Variants in TMEM181 observed in about 807,000 individuals in gnomAD.
The protein encoded by TMEM181 is G protein-coupled receptor 178.
A neutral mutation model predicts 71.9 loss-of-function variants in TMEM181; 39 were observed. That is an observed-to-expected ratio of 0.54 (90% CI 0.42 to 0.71). The LOEUF is 0.71. Among genes scored for constraint, TMEM181 ranks in the 30% least tolerant of loss-of-function variants. TMEM181 has a pLI of 0.00. For missense variants in TMEM181, 595 were observed against 583.0 expected (o/e 1.02, Z -0.21); for synonymous variants, 245 against 228.8 (o/e 1.07, Z -0.64).
At chr6:158,591,229 T>A (rs1306006184) in intron 6 of TMEM181, among the ~76,000 whole-genome samples, 3 of 152,172 alleles carry the variant, frequency 2.0e-5, no homozygotes, top group East Asian at 3.9e-4. Context: ...ATTGTTCTTT[T>A]CTTTCACGTT....
chr6:158,598,786 G>C (rs1784518797), intron 6 of TMEM181, among the ~76,000 whole-genome samples: 2 of 151,840 alleles, frequency 1.3e-5, no homozygotes, highest in Admixed American at 1.3e-4. Flanking sequence ...CCATTCTCCT[G>C]CCTCAGCTTC....
At chr6:158,582,866 G>T (rs964222187) in intron 3 of TMEM181, among the ~76,000 whole-genome samples, 4 of 152,114 alleles carry the variant, frequency 2.6e-5, no homozygotes, top group Admixed American at 1.3e-4. Context: ...CTCCCCAGGG[G>T]TGTTAAGATT....
At chr6:158,630,597 T>G (rs1189038765) in intron 15 of TMEM181, among the ~76,000 whole-genome samples, 1 of 152,120 alleles carries the variant, frequency 6.6e-6, no homozygotes, top group Non-Finnish European at 1.5e-5. Context: ...CAATGTTCGG[T>G]GCCTTAGCTG....
upstream of TMEM181, among the ~76,000 whole-genome samples, chr6:158,556,238 G>A (rs376198266): frequency 6.6e-6 from 1 of 152,174 alleles, no homozygotes; most frequent in Non-Finnish European, 1.5e-5. Flanking sequence ...CCTGAGAGAA[G>A]AGTCGCCTTG....
At chr6:158,546,187 C>T (rs1781521705) in intron 1 of TMEM181, among the ~76,000 whole-genome samples, 1 of 152,174 alleles carries the variant, frequency 6.6e-6, no homozygotes, top group Admixed American at 6.5e-5. Flanking sequence ...CTGGGAGCTC[C>T]AGAACCCGTG....
chr6:158,585,559 C>T, intron 5 of TMEM181, 134 bp downstream of exon 5: 1 of 1,170,506 alleles, frequency 8.5e-7, no homozygotes, highest in Non-Finnish European at 1.1e-6. Context: ...AAAATGGAGT[C>T]ATACCAAAGA....
At chr6:158,556,186 G>A (rs1041319953), upstream of TMEM181, among the ~76,000 whole-genome samples, 1 of 152,114 alleles carries the variant, frequency 6.6e-6, no homozygotes, top group African/African-American at 2.4e-5. Flanking sequence ...AACGAATCCA[G>A]AATAATATGA....
rs184978282 is a variant in TMEM181, at chr6:158,625,765, C to G, written c.1109+11C>G. 2.5e-6 allele frequency: 4 copies of G among 1,606,384 alleles called. No individual in the cohort carries two copies. Among genetic ancestry groups the G allele is most frequent in the African/African-American group, 1.3e-5 (1 of 74,426 alleles). On this transcript the variant is annotated intron_variant, in intron 13 of 16. Transcript: ENST00000684151. ...AGTACTTGTCATTAGGTAAGAAGAC[C>G]TTATTTCTTGAAAACAGCAAAACGG...
chr6:158,551,238 G>A (rs571937972), intron 1 of TMEM181, among the ~76,000 whole-genome samples: 32 of 152,234 alleles, frequency 2.1e-4, no homozygotes, highest in Non-Finnish European at 4.4e-4. Context: ...GGGATTACAG[G>A]TGTGAACCAC....
rs561393891 is a variant in TMEM181 at position 158,620,640 on chromosome 6, C to T, written c.897-2910C>T. Reference sequence around the variant, plus strand: ...TGGGGAGTAGCCCCCGCCCGAGCCTCGCAGTCCCCTTCAGATTAGTTGTCC... The same window carrying T: ...TGGGGAGTAGCCCCCGCCCGAGCCTTGCAGTCCCCTTCAGATTAGTTGTCC... On this transcript the variant is annotated intron_variant, in intron 10 of 16. Transcript: ENST00000684151. The surrounding 1 kb of genome is among the most constrained non-coding windows in gnomAD (Gnocchi z 4.5). 7.2e-5 allele frequency among the ~76,000 whole-genome samples: 11 copies of T among 152,048 alleles called. No individual in the cohort carries two copies. The highest frequency in any genetic ancestry group is 4.2e-4 in the South Asian group (2 of 4,810).
chr6:158,608,466 G>T lies in TMEM181; in HGVS notation c.804+3G>T, dbSNP rs756886613. The T allele has an allele frequency of 5.6e-6, 9 of 1,614,178 alleles. No individual in the cohort carries two copies. Among genetic ancestry groups the T allele is most frequent in the Non-Finnish European group, 7.6e-6 (9 of 1,180,030 alleles). On this transcript the variant is annotated splice_donor_region_variant and intron_variant, in intron 9 of 16. Transcript: ENST00000684151. ...TGTACCACGGGATTCGTGTCCAGGT[G>T]AGCCGGAGCCGCCCTCACTGCCGGG...
chr6:158,619,428 A>G (rs985449025), intron 10 of TMEM181, among the ~76,000 whole-genome samples: 1 of 152,130 alleles, frequency 6.6e-6, no homozygotes, highest in Non-Finnish European at 1.5e-5. Flanking sequence ...CTTCTTGGCG[A>G]TGGGTTCGAA....
At chr6:158,565,997 C>T (rs1782469907) in intron 1 of TMEM181, among the ~76,000 whole-genome samples, 1 of 152,144 alleles carries the variant, frequency 6.6e-6, no homozygotes, top group Non-Finnish European at 1.5e-5. Flanking sequence ...TTGTATGTTG[C>T]GTTTCCTTCT....
chr6:158,577,125 A>C (rs1052718629), intron 2 of TMEM181, among the ~76,000 whole-genome samples: 5 of 152,166 alleles, frequency 3.3e-5, no homozygotes, highest in Admixed American at 1.3e-4. Context: ...GAAGGGAAAA[A>C]AATGAAGTGT....
chr6:158,597,569 C>T (rs547129709), intron 6 of TMEM181, among the ~76,000 whole-genome samples: 97 of 152,298 alleles, frequency 6.4e-4, no homozygotes, highest in African/African-American at 2.2e-3. Context: ...GGCACGATCA[C>T]ATCTCGGTGC....
At chr6:158,562,929 A>G (rs1414081851) in intron 1 of TMEM181, among the ~76,000 whole-genome samples, 1 of 152,170 alleles carries the variant, frequency 6.6e-6, no homozygotes, top group Non-Finnish European at 1.5e-5. Flanking sequence ...TATGAAAAAG[A>G]CAAGTGAGTT....
At chr6:158,547,649 G>C (rs1781569835) in intron 1 of TMEM181, among the ~76,000 whole-genome samples, 1 of 152,016 alleles carries the variant, frequency 6.6e-6, no homozygotes, top group South Asian at 2.1e-4. Flanking sequence ...CATTTCTCCA[G>C]ACTTTGTAAC....
At chr6:158,568,358 G>A (rs1285767814) in intron 1 of TMEM181, among the ~76,000 whole-genome samples, 1 of 152,168 alleles carries the variant, frequency 6.6e-6, no homozygotes, top group African/African-American at 2.4e-5. Flanking sequence ...TGGGCAGGGA[G>A]GATGGCTCCT....
chr6:158,629,872 G>GT, intron 15 of TMEM181, 53 bp downstream of exon 15: 2 of 1,458,872 alleles, frequency 1.4e-6, no homozygotes, highest in South Asian at 2.3e-5. Flanking sequence ...ACAGAGGCCT[G>GT]TGTTCATCCA....
Sources: gnomAD v4.1 joint callset for allele counts (sites outside exome capture counted in the v4.1 genomes callset) on GRCh38, gnomAD v4.1.1 for gene constraint, Gnocchi (gnomAD v3.1) non-coding constraint, MANE v1.5 for transcripts, NCBI Gene and HGNC (gene_info 2026-07-23, HGNC 2026-07-21) for gene names.